The following HENMT1 variants were observed in gnomAD, a reference collection of about 807,000 sequenced individuals.
The protein encoded by HENMT1 is small RNA 2'-O-methyltransferase.
HENMT1 carries 27 observed loss-of-function variants against 31.1 expected under a neutral mutation model. That is an observed-to-expected ratio of 0.87 (90% CI 0.64 to 1.20). The LOEUF (loss-of-function observed/expected upper bound fraction) is 1.20, where lower values mean the gene tolerates loss of function less well. Ranked by LOEUF, HENMT1 falls within the 50% of genes most tolerant of loss-of-function variation. The pLI is 0.00. For synonymous variants in HENMT1, 167 were observed against 172.2 expected, an observed-to-expected ratio of 0.97 and a Z score of 0.24; for missense variants, 438 against 469.6, an observed-to-expected ratio of 0.93 and a Z score of 0.62.
chr1:108,656,629 G>A (rs1658251842), intron 3 of HENMT1, among the ~76,000 whole-genome samples: 3 of 152,050 alleles, frequency 2.0e-5, no homozygotes, highest in African/African-American at 7.2e-5. Flanking sequence ...CTATAGGCAC[G>A]CACCACCATG....
chr1:108,658,780 A>G (rs1260842908), intron 2 of HENMT1, among the ~76,000 whole-genome samples: 1 of 149,914 alleles, frequency 6.7e-6, no homozygotes, highest in Admixed American at 6.6e-5. Flanking sequence ...TTATTGCAAC[A>G]GTCCTCAATA....
chr1:108,653,154 C>A (rs915259562), intron 5 of HENMT1, among the ~76,000 whole-genome samples: 2 of 151,662 alleles, frequency 1.3e-5, no homozygotes, highest in Non-Finnish European at 2.9e-5. Context: ...GCTGGGATTA[C>A]AGGGGCCCAT....
rs763684898 is a variant in HENMT1 at position 108,650,890 on chromosome 1, A to T, written c.578+140T>A. 6 of 658,022 alleles carry T rather than the reference A, an allele frequency of 9.1e-6. No individual in the cohort carries two copies. The South Asian group carries it at 1.2e-4, about 13-fold the overall frequency. 40.8% of individuals were successfully genotyped at this position (658,022 alleles called of 1,614,324 possible). A position where few individuals can be genotyped will look rare whatever the true frequency, so the allele number is the denominator to read the frequency against. On this transcript the variant is annotated intron_variant, in intron 6 of 7. Coordinates refer to ENST00000651461, the MANE Select transcript of HENMT1 (RefSeq NM_001102592.2). The stretch of plus-strand genomic sequence containing the variant: ...AATGGTTCCTTTGTGATCTTATTAC[A>T]TACTAAGTCACACATTGGAATCAAT...
chr1:108,659,204 C>G (rs1192619183), intron 2 of HENMT1, among the ~76,000 whole-genome samples: 1 of 152,036 alleles, frequency 6.6e-6, no homozygotes, highest in African/African-American at 2.4e-5. Flanking sequence ...TGCACATACC[C>G]AAGTTATTCC....
At chr1:108,651,664 AGAAG>A (rs1203935202) in intron 5 of HENMT1, among the ~76,000 whole-genome samples, 15 of 151,762 alleles carry the variant, frequency 9.9e-5, no homozygotes, top group South Asian at 6.3e-4. Context: ...AGAAAAAGAA[AGAAG>A]GAAGGAAGGA....
At chr1:108,651,524 A>T (rs897145747) in intron 5 of HENMT1, 2 of 191,260 alleles carry the variant, frequency 1.0e-5, no homozygotes, top group Admixed American at 5.9e-5. Context: ...GCATGCCTGT[A>T]ATCCCAGCTA....
rs1304102104 is a variant in HENMT1, at chr1:108,661,065, G to A, written c.-181C>T. On this transcript the variant is annotated 5_prime_UTR_variant, in exon 1 of 8. The change creates a new upstream start codon in the 5' untranslated region. Transcript: ENST00000651461. ...CAAAGCTCGTCGCGGAGCCGCCAGC[G>A]TCCTCAACTCAGCGCCGCCCTGACG... 15 of 924,398 alleles carry A rather than the reference G, an allele frequency of 1.6e-5. No homozygotes were observed. The highest frequency in any genetic ancestry group is 1.8e-5 in the Non-Finnish European group (14 of 774,670). 57.3% of individuals were successfully genotyped at this position (924,398 alleles called of 1,614,324 possible).
intron 2 of HENMT1, among the ~76,000 whole-genome samples, chr1:108,658,519 G>A (rs1381167444): frequency 1.3e-5 from 2 of 152,194 alleles, no homozygotes; most frequent in Non-Finnish European, 2.9e-5. Flanking sequence ...CTCTGGCCTC[G>A]GCCTCCTGAG....
intron 3 of HENMT1, 144 bp downstream of exon 3, chr1:108,657,307 C>A: frequency 1.7e-6 from 1 of 571,946 alleles, no homozygotes; most frequent in South Asian, 2.2e-5. Flanking sequence ...TCTTGAGACA[C>A]CTGCAGATCT....
rs1402326325 is a variant in HENMT1 at position 108,648,360 on chromosome 1, A to G, written c.*206T>C. ...ACAAAAAAGTCCAAAATCAAAGGAA[A>G]GCACCCGTTTTAAACCCTCATATCT... On this transcript the variant is annotated 3_prime_UTR_variant, in exon 8 of 8. Coordinates refer to ENST00000651461, the MANE Select transcript of HENMT1 (RefSeq NM_001102592.2). The G allele has an allele frequency of 1.8e-5, 10 of 542,016 alleles. No homozygotes were observed. The highest frequency in any genetic ancestry group is 2.9e-5 in the Non-Finnish European group (9 of 309,102). 33.6% of individuals were successfully genotyped at this position (542,016 alleles called of 1,614,324 possible). A position where few individuals can be genotyped will look rare whatever the true frequency, so the allele number is the denominator to read the frequency against.
In HENMT1 at chr1:108,659,793, C is replaced by T. The variant is rs1658387014; in HGVS notation, c.21+71G>A. The stretch of plus-strand genomic sequence containing the variant: ...ACCTAAATGTGATCAATTTTGTTTG[C>T]AATTATCTCACAATACATCCAGGTG... On this transcript the variant is annotated intron_variant, in intron 2 of 7. Coordinates refer to ENST00000651461, the MANE Select transcript of HENMT1 (RefSeq NM_001102592.2). 12 of 998,168 alleles carry T rather than the reference C, an allele frequency of 1.2e-5. No homozygotes were observed. The South Asian group carries it at 1.7e-4, about 14-fold the overall frequency. The allele number at this position is 998,168 out of a possible 1,614,324, so 61.8% of individuals were successfully genotyped here.
intron 2 of HENMT1, among the ~76,000 whole-genome samples, chr1:108,659,002 AT>A (rs1570640088): frequency 6.6e-6 from 1 of 152,230 alleles, no homozygotes; most frequent in East Asian, 1.9e-4. Context: ...GAATTAGAAT[AT>A]TTAAACCAAT....
rs140581982 is a variant in HENMT1, at chr1:108,654,727, C to T, written c.387G>A (p.Thr129=). The change falls in exon 5 of 8, where the codon ACG becomes ACA. Residue 129 remains threonine, a synonymous_variant. Coordinates refer to ENST00000651461, the MANE Select transcript of HENMT1 (RefSeq NM_001102592.2). ...DSRLLGFDLI[T]CIELIEHLDS... Reference sequence around the variant, plus strand: ...AGTTTAAAACTTACAATTCAATACACGTTATCAAGTCAAATCCAAGCAAAC... The same window carrying T: ...AGTTTAAAACTTACAATTCAATACATGTTATCAAGTCAAATCCAAGCAAAC... 2.0e-5 allele frequency: 33 copies of T among 1,613,884 alleles called. No individual in the cohort carries two copies. Among genetic ancestry groups the T allele is most frequent in the Middle Eastern group, 3.3e-4 (2 of 6,084 alleles).
At chr1:108,649,438 G>A (rs777248081) in intron 7 of HENMT1, 11 of 440,028 alleles carry the variant, frequency 2.5e-5, no homozygotes, top group East Asian at 7.0e-5. Flanking sequence ...CTGTCTCTAC[G>A]GAAAAAAAAA....
chr1:108,657,503 C>T lies in HENMT1; in HGVS notation c.98G>A (p.Arg33Lys). Reference sequence around the variant, plus strand: ...ATTTTTAACGAACTGGTACCGCTGTCTGTATAGTGGAGGTTTAAACTGAAT... The same window carrying T: ...ATTTTTAACGAACTGGTACCGCTGTTTGTATAGTGGAGGTTTAAACTGAAT... The part of the protein sequence containing the change: ...TAIQFKPPLY[R>K]QRYQFVKNLV... Residue 33 changes from arginine to lysine, a missense_variant, in exon 3 of 8, where the codon AGA becomes AAA. Coordinates refer to ENST00000651461, the MANE Select transcript of HENMT1 (RefSeq NM_001102592.2). 1 of 1,611,064 alleles carries T rather than the reference C, an allele frequency of 6.2e-7. No individual in the cohort carries two copies.
intron 5 of HENMT1, among the ~76,000 whole-genome samples, chr1:108,652,269 T>C (rs1658079637): frequency 1.3e-5 from 2 of 152,232 alleles, no homozygotes; most frequent in Admixed American, 1.3e-4. Flanking sequence ...AATTTCCTGA[T>C]AGAATTACAT....
Position 108,659,902 on chromosome 1 carries a change from T to C in HENMT1, c.-18A>G, listed in dbSNP as rs764465184. On this transcript the variant is annotated 5_prime_UTR_variant, in exon 2 of 8. Transcript: ENST00000651461. ...TCTTCCATTTTGTTTCGAAGTTTTG[T>C]TGAAACAAAAATGAAGATTTATCCT... 5.6e-6 allele frequency: 9 copies of C among 1,599,908 alleles called. No individual in the cohort carries two copies. Among genetic ancestry groups the C allele is most frequent in the Non-Finnish European group, 7.7e-6 (9 of 1,173,902 alleles).
chr1:108,655,145 GTT>G (rs755643068), intron 4 of HENMT1, among the ~76,000 whole-genome samples: 1 of 152,052 alleles, frequency 6.6e-6, no homozygotes. Context: ...TGAGATTTTT[GTT>G]CTTTAGAAAA....
In HENMT1 at chr1:108,648,955, T is replaced by C. The variant is rs1277471489; in HGVS notation, c.793A>G (p.Arg265Gly). 1 of 1,610,306 alleles carries C rather than the reference T, an allele frequency of 6.2e-7. No individual in the cohort carries two copies. The highest frequency in any genetic ancestry group is 8.5e-7 in the Non-Finnish European group (1 of 1,177,352). Residue 265 changes from arginine to glycine, a missense_variant, in exon 8 of 8, where the codon AGG becomes GGG. Transcript: ENST00000651461. ...TTAACCAACACAAGTTTAAAGAACC[T>C]TTCCTGCTGTAAGCTTGGGTATGAG... ...TTSYPSLQQE[R>G]FFKLVLVNEV...
Sources: allele counts gnomAD v4.1 joint callset (sites outside exome capture counted in the v4.1 genomes callset), GRCh38; gene constraint gnomAD v4.1.1; transcripts MANE v1.5; gene names NCBI Gene and HGNC (gene_info 2026-07-23, HGNC 2026-07-21).